Variants in DLGAP2 observed in about 807,000 individuals in gnomAD.
DLGAP2 encodes the protein disks large-associated protein 2.
DLGAP2 carries 26 observed loss-of-function variants against 100.3 expected under a neutral mutation model. The observed-to-expected ratio is 0.26, with a 90% confidence interval of 0.19 to 0.36. The LOEUF is 0.36. Among genes scored for constraint, DLGAP2 ranks in the 10% least tolerant of loss-of-function variants. DLGAP2 has a pLI of 1.00. For missense variants in DLGAP2, 1,858 were observed against 1,453.2 expected (o/e 1.28, Z -4.53); for synonymous variants, 886 against 630.1 (o/e 1.41, Z -6.08).
At chr8:1,416,792 C>G (rs1388239423) in intron 3 of DLGAP2, among the ~76,000 whole-genome samples, 1 of 152,198 alleles carries the variant, frequency 6.6e-6, no homozygotes, top group African/African-American at 2.4e-5. Context: ...GAATGTGGCT[C>G]GCGAGCACCC....
chr8:781,836 A>G (rs1411543633), intron 1 of DLGAP2, among the ~76,000 whole-genome samples: 1 of 152,180 alleles, frequency 6.6e-6, no homozygotes, highest in Non-Finnish European at 1.5e-5. Flanking sequence ...ATATAACCTA[A>G]TGTTTGTGCT....
intron 3 of DLGAP2, among the ~76,000 whole-genome samples, chr8:1,357,918 C>A (rs6982524): frequency 5.5e-4 from 84 of 152,302 alleles, no homozygotes; most frequent in African/African-American, 1.9e-3. Context: ...TGGCTCCCCA[C>A]ACTGTGAGCA....
At chr8:1,202,264 GTGTGTGTGTC>G (rs1239075200) in intron 2 of DLGAP2, among the ~76,000 whole-genome samples, 7 of 146,028 alleles carry the variant, frequency 4.8e-5, no homozygotes, top group African/African-American at 1.9e-4. Context: ...GTGTGTGTGT[GTGTGTGTGTC>G]TGTGGTGCAT....
At chr8:1,478,426 G>A (rs915047082) in intron 3 of DLGAP2, among the ~76,000 whole-genome samples, 1 of 152,214 alleles carries the variant, frequency 6.6e-6, no homozygotes, top group African/African-American at 2.4e-5. Context: ...TCCTCGCGGT[G>A]TGAAGAGCAT....
At chr8:1,328,639 C>T (rs1445221455) in intron 3 of DLGAP2, among the ~76,000 whole-genome samples, 2 of 152,208 alleles carry the variant, frequency 1.3e-5, no homozygotes, top group African/African-American at 4.8e-5. Flanking sequence ...GCGGAAGCCA[C>T]TGCACCTGGC....
At chr8:1,203,129 T>A (rs531815195) in intron 2 of DLGAP2, among the ~76,000 whole-genome samples, 1 of 152,232 alleles carries the variant, frequency 6.6e-6, no homozygotes, top group East Asian at 1.9e-4. Flanking sequence ...TTAGTTCGTT[T>A]GTTTGTTCGT....
At chr8:1,418,978 C>T (rs900981514) in intron 3 of DLGAP2, among the ~76,000 whole-genome samples, 1 of 152,266 alleles carries the variant, frequency 6.6e-6, no homozygotes, top group African/African-American at 2.4e-5. Context: ...TATGTAAATG[C>T]TCCCACTCAG....
intron 10 of DLGAP2, among the ~76,000 whole-genome samples, chr8:1,674,535 T>TGAGA (rs1798765096): frequency 6.6e-6 from 1 of 152,230 alleles, no homozygotes; most frequent in South Asian, 2.1e-4. Flanking sequence ...ATAGAATAAG[T>TGAGA]GAGAGAGACA....
At chr8:1,330,530 G>C (rs566837465) in intron 3 of DLGAP2, among the ~76,000 whole-genome samples, 1 of 148,930 alleles carries the variant, frequency 6.7e-6, no homozygotes, top group Non-Finnish European at 1.5e-5. Flanking sequence ...GTTCTGGGTG[G>C]GACTGAGTTC....
chr8:1,183,247 C>T (rs6558418), intron 2 of DLGAP2, among the ~76,000 whole-genome samples: 10,576 of 152,124 alleles, frequency 0.07, 448 homozygotes, highest in South Asian at 0.14. Context: ...ATGTGACAGA[C>T]ATGGAGGTTC....
intron 4 of DLGAP2, among the ~76,000 whole-genome samples, chr8:1,524,112 C>T (rs1257957127): frequency 6.6e-6 from 1 of 152,148 alleles, no homozygotes; most frequent in Non-Finnish European, 1.5e-5. Context: ...CAGAACTGAT[C>T]CCCAGACGGG....
intron 4 of DLGAP2, among the ~76,000 whole-genome samples, chr8:1,539,476 G>A (rs1469775128): frequency 2.6e-5 from 4 of 152,096 alleles, no homozygotes; most frequent in Admixed American, 6.5e-5. Context: ...CCATCCCCAC[G>A]AGTTGAGTGA....
At chr8:1,364,528 A>G (rs1470347978) in intron 3 of DLGAP2, among the ~76,000 whole-genome samples, 2 of 151,360 alleles carry the variant, frequency 1.3e-5, no homozygotes, top group Non-Finnish European at 2.9e-5. Flanking sequence ...AAGCAGACAC[A>G]TTTTCCCTGG....
chr8:920,178 A>G (rs1179268455), intron 2 of DLGAP2, among the ~76,000 whole-genome samples: 1 of 152,228 alleles, frequency 6.6e-6, no homozygotes, highest in African/African-American at 2.4e-5. Context: ...CATGTCATCC[A>G]ACAGGAAGCT....
chr8:1,511,578 C>T (rs1800163849), intron 4 of DLGAP2, among the ~76,000 whole-genome samples: 1 of 151,518 alleles, frequency 6.6e-6, no homozygotes, highest in South Asian at 2.1e-4. Context: ...TAGTGTAAGA[C>T]AGTCAATAGA....
intron 3 of DLGAP2, 48 bp downstream of exon 3, chr8:1,258,931 A>G: frequency 8.1e-7 from 1 of 1,228,424 alleles, no homozygotes; most frequent in African/African-American, 1.6e-5. Flanking sequence ...CGCGCGGCTC[A>G]CAGGTGTGTG....
At chr8:790,256 C>A (rs889214275) in intron 1 of DLGAP2, among the ~76,000 whole-genome samples, 1 of 152,042 alleles carries the variant, frequency 6.6e-6, no homozygotes, top group African/African-American at 2.4e-5. Context: ...TGGACAAGCA[C>A]CATGCATTTC....
At chr8:1,567,810 C>G (rs1273057457) in intron 6 of DLGAP2, among the ~76,000 whole-genome samples, 1 of 152,234 alleles carries the variant, frequency 6.6e-6, no homozygotes, top group Non-Finnish European at 1.5e-5. Flanking sequence ...GGCCCCCTGA[C>G]AGCATCACCT....
chr8:1,433,593 C>T (rs1001066941), intron 3 of DLGAP2, among the ~76,000 whole-genome samples: 3 of 151,670 alleles, frequency 2.0e-5, no homozygotes, highest in Non-Finnish European at 2.9e-5. Flanking sequence ...GGTGCACAGT[C>T]GGACACTGGG....
Sources: allele counts gnomAD v4.1 joint callset (sites outside exome capture counted in the v4.1 genomes callset), GRCh38; gene constraint gnomAD v4.1.1; transcripts MANE v1.5; gene names NCBI Gene and HGNC (gene_info 2026-07-23, HGNC 2026-07-21).